Variants in CLVS1 observed in about 807,000 individuals in gnomAD.
CLVS1 encodes the protein clavesin 1.
CLVS1 carries 10 observed loss-of-function variants against 33.1 expected under a neutral mutation model. The ratio of observed to expected loss-of-function variants is 0.30; its 90% confidence interval spans 0.19 to 0.51. The LOEUF is 0.51. CLVS1 is among the 20% of genes least tolerant of loss of function. The pLI is 0.97. For synonymous variants in CLVS1, 163 were observed against 166.1 expected (o/e 0.98, Z 0.14); for missense variants, 343 against 433.4 (o/e 0.79, Z 1.85).
intron 2 of CLVS1, chr8:61,301,162 G>T (rs943397088): frequency 6.6e-6 from 1 of 152,154 alleles, no homozygotes; most frequent in Non-Finnish European, 1.5e-5. Flanking sequence ...CAAAGCTATC[G>T]AAATAAAGTA....
the CLVS1 span, among the ~76,000 whole-genome samples, chr8:61,001,239 A>G: frequency 1.3e-5 from 2 of 152,120 alleles, no homozygotes; most frequent in African/African-American, 2.4e-5. Flanking sequence ...TTCCTGCTTC[A>G]GCCTTCCGAG....
intron 5 of CLVS1, among the ~76,000 whole-genome samples, chr8:61,466,197 A>C (rs2129607507): frequency 6.6e-6 from 1 of 152,328 alleles, no homozygotes; most frequent in Non-Finnish European, 1.5e-5. Context: ...GAAAGAAGAA[A>C]ACCCAAATGA....
At chr8:60,980,193 C>T in the CLVS1 span, among the ~76,000 whole-genome samples, 5 of 152,210 alleles carry the variant, frequency 3.3e-5, no homozygotes, top group Non-Finnish European at 5.9e-5. Flanking sequence ...TAGAGGCAAA[C>T]AAACAGTCCT....
intron 2 of CLVS1, among the ~76,000 whole-genome samples, chr8:61,358,335 AAC>A (rs918688465): frequency 3.3e-5 from 5 of 152,210 alleles, no homozygotes; most frequent in Non-Finnish European, 5.9e-5. Flanking sequence ...ACTGTGTGCA[AAC>A]ACACACACTG....
At chr8:61,297,741 G>A (rs1415822286) in intron 1 of CLVS1, among the ~76,000 whole-genome samples, 1 of 152,116 alleles carries the variant, frequency 6.6e-6, no homozygotes. Context: ...GAAGGTGTGA[G>A]CACAGAAGGA....
the CLVS1 span, among the ~76,000 whole-genome samples, chr8:60,974,701 C>A: frequency 4.0e-5 from 6 of 151,790 alleles, no homozygotes; most frequent in Admixed American, 3.9e-4. Flanking sequence ...ATGGCATGAA[C>A]CCGGGAGGCG....
intron 3 of CLVS1, among the ~76,000 whole-genome samples, chr8:61,452,460 C>A (rs981652788): frequency 6.6e-6 from 1 of 152,042 alleles, no homozygotes; most frequent in African/African-American, 2.4e-5. Flanking sequence ...AATTCTACTT[C>A]TAAATAAGAA....
chr8:61,209,603 G>A (rs1177826438), intron 2 of CLVS1, among the ~76,000 whole-genome samples: 1 of 152,186 alleles, frequency 6.6e-6, no homozygotes, highest in African/African-American at 2.4e-5. Flanking sequence ...GAAGAAATGA[G>A]TCCATGATGA....
intron 1 of CLVS1, among the ~76,000 whole-genome samples, chr8:61,108,752 T>C (rs1805580858): frequency 6.6e-6 from 1 of 152,218 alleles, no homozygotes; most frequent in African/African-American, 2.4e-5. Context: ...CCTCTATCTG[T>C]GATTACAAAG....
At chr8:61,046,733 T>C in the CLVS1 span, among the ~76,000 whole-genome samples, 1 of 151,964 alleles carries the variant, frequency 6.6e-6, no homozygotes, top group Non-Finnish European at 1.5e-5. Flanking sequence ...TCCTAGGTAT[T>C]TTATTCTCTT....
the CLVS1 span, among the ~76,000 whole-genome samples, chr8:60,990,893 G>A: frequency 6.6e-6 from 1 of 151,962 alleles, no homozygotes; most frequent in South Asian, 2.1e-4. Flanking sequence ...TTGCATTTTA[G>A]CAGAGACGGG....
chr8:61,001,122 G>A, the CLVS1 span, among the ~76,000 whole-genome samples: 178 of 152,102 alleles, frequency 1.2e-3, 1 homozygote, highest in East Asian at 0.011. Context: ...CCCCTGTGGC[G>A]CCTTTTGCTG....
intron 1 of CLVS1, among the ~76,000 whole-genome samples, chr8:61,082,354 A>C (rs1362352439): frequency 6.6e-6 from 1 of 152,212 alleles, no homozygotes; most frequent in Non-Finnish European, 1.5e-5. Context: ...GAAAAGAAAA[A>C]GAAAAAGGAA....
chr8:61,057,422 A>G (rs1411243341), intron 1 of CLVS1, among the ~76,000 whole-genome samples: 1 of 150,876 alleles, frequency 6.6e-6, no homozygotes, highest in Non-Finnish European at 1.5e-5. Context: ...ACCCCATCCA[A>G]GGAAAATTTG....
rs115881382 is a variant in CLVS1 at position 61,381,878 on chromosome 8, G to A, written c.630+5099G>A. ...AGGTTGATTCCATGTCTTTGCTATT[G>A]TGATAGGGCTGTGATGAACATATGC... On this transcript the variant is annotated intron_variant, in intron 3 of 5. Coordinates refer to ENST00000325897, the MANE Select transcript of CLVS1 (RefSeq NM_173519.3). Among the ~76,000 whole-genome samples, 281 of 152,202 alleles carry A rather than the reference G, an allele frequency of 1.8e-3. 2 individuals are homozygous for A. Among genetic ancestry groups the A allele is most frequent in the African/African-American group, 6.5e-3 (270 of 41,530 alleles).
At chr8:61,033,497 G>C in the CLVS1 span, among the ~76,000 whole-genome samples, 1 of 152,158 alleles carries the variant, frequency 6.6e-6, no homozygotes, top group African/African-American at 2.4e-5. Flanking sequence ...CAGAGAAACA[G>C]CCCCTCACAC....
At chr8:61,144,741 C>A (rs957138389) in intron 2 of CLVS1, among the ~76,000 whole-genome samples, 12 of 152,204 alleles carry the variant, frequency 7.9e-5, no homozygotes, top group African/African-American at 2.9e-4. Flanking sequence ...TTTTAATGAT[C>A]GCTATTCTAA....
chr8:61,337,562 G>A (rs2129597852), intron 2 of CLVS1, among the ~76,000 whole-genome samples: 1 of 152,220 alleles, frequency 6.6e-6, no homozygotes, highest in South Asian at 2.1e-4. Flanking sequence ...TGCCGAGTTT[G>A]AGAGATTTCC....
intron 2 of CLVS1, among the ~76,000 whole-genome samples, chr8:61,256,858 C>T (rs771545799): frequency 7.2e-5 from 11 of 152,162 alleles, no homozygotes; most frequent in South Asian, 2.1e-4. Flanking sequence ...TCATGCAGAG[C>T]TTCTGTTGGC....
Sources: gnomAD v4.1 joint callset for allele counts (sites outside exome capture counted in the v4.1 genomes callset) on GRCh38, gnomAD v4.1.1 for gene constraint, MANE v1.5 for transcripts, NCBI Gene and HGNC (gene_info 2026-07-23, HGNC 2026-07-21) for gene names.